USP15: variants seen among roughly 807,000 people sequenced by gnomAD.
USP15 encodes the protein ubiquitin specific peptidase 15, also known as ubiquitin carboxyl-terminal hydrolase 15.
USP15 carries 18 observed loss-of-function variants against 127.1 expected under a neutral mutation model. The observed-to-expected ratio is 0.14, with a 90% CI of 0.10 to 0.21. The LOEUF is 0.21. Ranked by LOEUF, USP15 falls within the 10% of genes least tolerant of loss-of-function variation. The pLI is 1.00. For synonymous variants in USP15, 364 were observed against 393.7 expected, an observed-to-expected ratio of 0.92 and a Z score of 0.89; for missense variants, 805 against 1,159.9, an observed-to-expected ratio of 0.69 and a Z score of 4.44.
chr12:62,357,703 C>T (rs1007486211), intron 8 of USP15, among the ~76,000 whole-genome samples: 4 of 152,006 alleles, frequency 2.6e-5, no homozygotes, highest in African/African-American at 9.7e-5. Context: ...TGAGTTTTTA[C>T]TTGTGCGGCT....
intron 9 of USP15, among the ~76,000 whole-genome samples, chr12:62,383,066 G>A (rs905430394): frequency 6.6e-6 from 1 of 151,828 alleles, no homozygotes; most frequent in Non-Finnish European, 1.5e-5. Flanking sequence ...TTTTGTCCCA[G>A]ATAAGCTTTG....
At chr12:62,389,541 A>G (rs758239996) in intron 12 of USP15, 27 bp downstream of exon 12, 83 of 1,611,990 alleles carry the variant, frequency 5.1e-5, no homozygotes, top group Non-Finnish European at 6.8e-5. Flanking sequence ...GTTGAAGTAT[A>G]TAAGTTGGTA....
chr12:62,299,851 A>T (rs907181274), intron 2 of USP15, among the ~76,000 whole-genome samples: 9 of 152,166 alleles, frequency 5.9e-5, no homozygotes, highest in Non-Finnish European at 1.3e-4. Flanking sequence ...TTTTTATTAT[A>T]GCCGTCCAAG....
At chr12:62,261,026 G>A (rs1190704246) in intron 1 of USP15, among the ~76,000 whole-genome samples, 1 of 152,122 alleles carries the variant, frequency 6.6e-6, no homozygotes, top group African/African-American at 2.4e-5. Context: ...TGGCATGTCA[G>A]GGCTCCACAT....
intron 12 of USP15, 39 bp from the exon 13 acceptor site, chr12:62,389,566 G>C: frequency 1.2e-6 from 2 of 1,609,862 alleles, no homozygotes; most frequent in Non-Finnish European, 1.7e-6. Flanking sequence ...GTTTCTCAGT[G>C]CTGTAAAACC....
intron 14 of USP15, among the ~76,000 whole-genome samples, chr12:62,390,604 G>A (rs765747913): frequency 6.6e-5 from 10 of 151,992 alleles, no homozygotes; most frequent in Non-Finnish European, 1.0e-4. Flanking sequence ...CATCTAAATA[G>A]GGTAAGTTGA....
At chr12:62,346,333 A>G (rs2065817319) in intron 6 of USP15, among the ~76,000 whole-genome samples, 1 of 152,072 alleles carries the variant, frequency 6.6e-6, no homozygotes, top group South Asian at 2.1e-4. Flanking sequence ...GGTTAGTGCT[A>G]CTCCTTTGAT....
chr12:62,362,087 A>G lies in USP15; in HGVS notation c.915+6612A>G, dbSNP rs146530643. On this transcript the variant is annotated intron_variant, in intron 8 of 21. Coordinates refer to ENST00000280377, the MANE Select transcript of USP15 (RefSeq NM_001252078.2). ...TGTGAGTTAGGGCATAAGAATCTCTATTCCACTAATGAGGAAATTGAAGCA... is the reference window on the plus strand; with the variant it reads ...TGTGAGTTAGGGCATAAGAATCTCTGTTCCACTAATGAGGAAATTGAAGCA... Among the ~76,000 whole-genome samples, 101 of 152,190 alleles carry G rather than the reference A, an allele frequency of 6.6e-4. 1 individual carries two copies. Among genetic ancestry groups the G allele is most frequent in the Middle Eastern group, 3.4e-3 (1 of 294 alleles).
chr12:62,275,713 C>T (rs2063474409), intron 1 of USP15, among the ~76,000 whole-genome samples: 2 of 152,024 alleles, frequency 1.3e-5, no homozygotes. Context: ...AAATTAGATC[C>T]ACAGCATAGG....
intron 3 of USP15, among the ~76,000 whole-genome samples, chr12:62,309,945 G>C (rs958817950): frequency 5.3e-5 from 8 of 151,784 alleles, no homozygotes; most frequent in Non-Finnish European, 7.4e-5. Context: ...AACTGTGTTA[G>C]AAATCTTAGC....
intron 5 of USP15, 99 bp from the exon 6 acceptor site, chr12:62,325,773 C>T: frequency 5.2e-6 from 5 of 961,650 alleles, no homozygotes; most frequent in African/African-American, 1.7e-5. Flanking sequence ...TAAATAATCA[C>T]AGAGTTACTT....
chr12:62,282,829 G>T (rs959702549), intron 1 of USP15, among the ~76,000 whole-genome samples: 6 of 152,080 alleles, frequency 3.9e-5, no homozygotes, highest in African/African-American at 1.4e-4. Flanking sequence ...TAACTGTAAA[G>T]GATTTATTAA....
chr12:62,275,882 T>C (rs1371007450), intron 1 of USP15, among the ~76,000 whole-genome samples: 2 of 152,058 alleles, frequency 1.3e-5, no homozygotes, highest in African/African-American at 4.8e-5. Context: ...GGTTAGAGAC[T>C]AGGTAAGACT....
chr12:62,384,327 G>GTTTTTT (rs58138194), intron 11 of USP15, 25 bp downstream of exon 11: 242 of 1,057,476 alleles, frequency 2.3e-4, no homozygotes, highest in South Asian at 7.9e-4. Flanking sequence ...GGTTTGTTTT[G>GTTTTTT]TTTTTTTTTT....
In USP15 at chr12:62,314,834, A is replaced by C; in HGVS notation, c.393A>C (p.Val131=). ...GMFVKHCKVE[V]YLTELKLCEN... is the part of the protein sequence containing the mutation. ...TTGTAAAGCACTGCAAAGTAGAAGT[A>C]TATCTCACAGAATTGAAGCTATGTG... Residue 131 remains valine (V), a synonymous_variant, in exon 4 of 22, where the codon GTA becomes GTC. Transcript: ENST00000280377. 6.3e-7 allele frequency: 1 copy of C among 1,596,118 alleles called. No individual in the cohort carries two copies. The highest frequency in any genetic ancestry group is 8.5e-7 in the Non-Finnish European group (1 of 1,171,270).
At chr12:62,390,185 C>G (rs1326769186) in intron 14 of USP15, among the ~76,000 whole-genome samples, 197 bp downstream of exon 14, 1 of 152,034 alleles carries the variant, frequency 6.6e-6, no homozygotes, top group African/African-American at 2.4e-5. Context: ...TAATTTCAAA[C>G]CCAGGAAGCA....
rs377153582 is a variant in USP15 at position 62,330,495 on chromosome 12, A to G, written c.683+4562A>G. On this transcript the variant is annotated intron_variant, in intron 6 of 21. Coordinates refer to ENST00000280377, the MANE Select transcript of USP15 (RefSeq NM_001252078.2). Reference sequence around the variant, plus strand: ...AGCTATTCAGGAGGCTGAGGCAAGGAGAATTGCTTGAACCCAGGAGGCAGA... The same window carrying G: ...AGCTATTCAGGAGGCTGAGGCAAGGGGAATTGCTTGAACCCAGGAGGCAGA... 2.6e-5 allele frequency among the ~76,000 whole-genome samples: 4 copies of G among 151,574 alleles called. No homozygotes were observed. In the South Asian group the frequency reaches 6.3e-4, roughly 24 times the overall value.
Position 62,396,243 on chromosome 12 carries a change from TCATTG to T in USP15, c.2571-47_2571-43del. 6 of 1,430,908 alleles carry T rather than the reference TCATTG, an allele frequency of 4.2e-6. 1 individual carries two copies. The South Asian group carries it at 8.3e-5, about 20-fold the overall frequency. The allele number at this position is 1,430,908 out of a possible 1,614,324, so 88.6% of individuals were successfully genotyped here. On this transcript the variant is annotated intron_variant, in intron 19 of 21. Transcript: ENST00000280377. ...CAACAATGGCAGAAGGGAATAGAAT[TCATTG>T]CATTTAGGGACAACATAAAAATTAA...
At position 62,413,050 on chromosome 12, in the gene USP15, ATGT is replaced by A. The variant is rs1257226158; in HGVS notation, c.*8679_*8681del. 2 of 152,162 alleles carry A rather than the reference ATGT, an allele frequency of 1.3e-5. No individual in the cohort carries two copies. The highest frequency in any genetic ancestry group is 2.9e-5 in the Non-Finnish European group (2 of 68,030). 9.4% of individuals were successfully genotyped at this position (152,162 alleles called of 1,614,324 possible). A position where few individuals can be genotyped will look rare whatever the true frequency, so the allele number is the denominator to read the frequency against. Reference sequence around the variant, plus strand: ...TCTTTGATCTATGGCTGCAGAATGGATGTTGTGTTAGCAGGCAGAAAAACACTA... The same window carrying A: ...TCTTTGATCTATGGCTGCAGAATGGATGTGTTAGCAGGCAGAAAAACACTA... On this transcript the variant is annotated 3_prime_UTR_variant, in exon 22 of 22. Transcript: ENST00000280377.
Sources: allele counts gnomAD v4.1 joint callset (sites outside exome capture counted in the v4.1 genomes callset), GRCh38; gene constraint gnomAD v4.1.1; transcripts MANE v1.5; gene names NCBI Gene and HGNC (gene_info 2026-07-23, HGNC 2026-07-21).